The following CCNYL1 variants were observed in gnomAD, a reference collection of about 807,000 sequenced individuals.
CCNYL1 encodes the protein cyclin-Y-like protein 1.
Under a neutral mutation model 44.2 loss-of-function variants are expected in CCNYL1, and 16 were observed. The ratio of observed to expected loss-of-function variants is 0.36; its 90% CI spans 0.25 to 0.55. The LOEUF (loss-of-function observed/expected upper bound fraction) is 0.55. CCNYL1 is among the 20% of genes least tolerant of loss of function. The pLI is 0.85. For missense variants in CCNYL1, 348 were observed against 451.8 expected (o/e 0.77, Z 2.08); for synonymous variants, 159 against 163.2 (o/e 0.97, Z 0.20).
chr2:207,747,626 G>A (rs1575223991), intron 8 of CCNYL1, among the ~76,000 whole-genome samples: 4 of 152,320 alleles, frequency 2.6e-5, no homozygotes, highest in Admixed American at 2.6e-4. Context: ...TCGGCTCACT[G>A]CAAGCTCCAC....
chr2:207,715,011 T>C (rs1158881859), intron 1 of CCNYL1, among the ~76,000 whole-genome samples: 1 of 152,228 alleles, frequency 6.6e-6, no homozygotes, highest in Non-Finnish European at 1.5e-5. Context: ...GGCTCACGCC[T>C]GTAATCCCAG....
chr2:207,735,232 A>C lies in CCNYL1; in HGVS notation c.431+1185A>C, dbSNP rs1426730479. 3.3e-5 allele frequency among the ~76,000 whole-genome samples: 5 copies of C among 152,228 alleles called. No individual in the cohort carries two copies. In the East Asian group the frequency reaches 9.6e-4, roughly 29 times the overall value. On this transcript the variant is annotated intron_variant, in intron 4 of 9. Transcript: ENST00000295414. ...AAATGATCATTTGGTATATTTCACT[A>C]CTGGTTAAATAAAGGTTTCACAAGT...
At chr2:207,749,537 AT>A (rs1260508551) in intron 8 of CCNYL1, among the ~76,000 whole-genome samples, 1 of 152,244 alleles carries the variant, frequency 6.6e-6, no homozygotes, top group Non-Finnish European at 1.5e-5. Flanking sequence ...TTCTGTAAGC[AT>A]AATGCTTTTC....
At chr2:207,734,455 C>T (rs1387854554) in intron 4 of CCNYL1, among the ~76,000 whole-genome samples, 2 of 152,218 alleles carry the variant, frequency 1.3e-5, no homozygotes, top group African/African-American at 4.8e-5. Context: ...ACAGCTTGTC[C>T]TCTACTGGCA....
rs1224864519 is a variant in CCNYL1 at position 207,753,628 on chromosome 2, C to A, written c.1010C>A (p.Ala337Asp). ...TGTGAAGACAAAGACTTGTGTAGAG[C>A]CGCTATGAGAAGGTCTTTCAGTGCT... The part of the protein sequence containing the change: ...RLCEDKDLCR[A>D]AMRRSFSADN... The change falls in exon 10 of 10, where the codon GCC (alanine) becomes GAC (aspartate). Residue 337 changes from alanine to aspartate, a missense_variant. This residue lies in a region of CCNYL1 where 94 missense variants were observed against 102.4 expected (regional missense o/e 0.92). Coordinates refer to ENST00000295414, the MANE Select transcript of CCNYL1 (RefSeq NM_001330218.2). 1.2e-6 allele frequency: 2 copies of A among 1,613,386 alleles called. No individual in the cohort carries two copies. Among genetic ancestry groups the A allele is most frequent in the Non-Finnish European group, 1.7e-6 (2 of 1,179,542 alleles).
chr2:207,739,798 G>T (rs555591347), intron 5 of CCNYL1, among the ~76,000 whole-genome samples: 3 of 152,172 alleles, frequency 2.0e-5, no homozygotes, highest in African/African-American at 4.8e-5. Context: ...ACTGCAAGAG[G>T]CAGTAAAGAG....
intron 7 of CCNYL1, among the ~76,000 whole-genome samples, chr2:207,746,110 G>C (rs2091852988): frequency 6.6e-6 from 1 of 152,138 alleles, no homozygotes; most frequent in Admixed American, 6.5e-5. Flanking sequence ...AAACTGCTTG[G>C]CAGGTTTAGA....
At chr2:207,752,117 AC>A in intron 9 of CCNYL1, among the ~76,000 whole-genome samples, 1 of 145,124 alleles carries the variant, frequency 6.9e-6, no homozygotes, top group African/African-American at 2.7e-5. Flanking sequence ...TGACTGTCTT[AC>A]TTACTGTTTG....
chr2:207,729,432 C>T (rs1451715167), intron 3 of CCNYL1, among the ~76,000 whole-genome samples: 4 of 152,082 alleles, frequency 2.6e-5, no homozygotes, highest in Non-Finnish European at 5.9e-5. Context: ...TGAATTTTCA[C>T]CACTCCCATG....
chr2:207,751,430 A>AT (rs1360233776), intron 9 of CCNYL1, among the ~76,000 whole-genome samples: 1 of 152,152 alleles, frequency 6.6e-6, no homozygotes, highest in East Asian at 1.9e-4. Context: ...TACATGAATA[A>AT]TTTTTTTAGC....
rs570807636 is a variant in CCNYL1, at chr2:207,744,460, A to T, written c.639+2118A>T. ...TGGCTCACTGCAACCTCCACCTCCCAGGTTCAAGCAATTCTCCCTGCCTCA... is the reference window on the plus strand; with the variant it reads ...TGGCTCACTGCAACCTCCACCTCCCTGGTTCAAGCAATTCTCCCTGCCTCA... On this transcript the variant is annotated intron_variant, in intron 7 of 9. Transcript: ENST00000295414. Among the ~76,000 whole-genome samples, 3 of 151,676 alleles carry T rather than the reference A, an allele frequency of 2.0e-5. No individual in the cohort carries two copies. In the South Asian group the frequency reaches 6.3e-4, roughly 32 times the overall value.
intron 7 of CCNYL1, among the ~76,000 whole-genome samples, chr2:207,745,696 C>T (rs539259890): frequency 6.6e-6 from 1 of 152,304 alleles, no homozygotes; most frequent in East Asian, 1.9e-4. Context: ...CGCCTGTAAT[C>T]CCAGCACTTT....
chr2:207,752,498 C>T (rs948907955), intron 9 of CCNYL1, among the ~76,000 whole-genome samples: 1 of 151,272 alleles, frequency 6.6e-6, no homozygotes, highest in Non-Finnish European at 1.5e-5. Flanking sequence ...CATGCCACTG[C>T]ACTCCAGCCT....
At chr2:207,737,278 T>C in intron 4 of CCNYL1, 133 bp from the exon 5 acceptor site, 2 of 693,572 alleles carry the variant, frequency 2.9e-6, no homozygotes, top group Non-Finnish European at 2.6e-6. Context: ...AAAGTACCCA[T>C]ATGGTACTGT....
At chr2:207,742,933 T>C (rs2091822379) in intron 7 of CCNYL1, among the ~76,000 whole-genome samples, 1 of 152,224 alleles carries the variant, frequency 6.6e-6, no homozygotes, top group Non-Finnish European at 1.5e-5. Context: ...TCCTTAACTT[T>C]ATGTCCTCCA....
intron 9 of CCNYL1, among the ~76,000 whole-genome samples, chr2:207,752,532 C>T (rs556443454): frequency 7.8e-5 from 11 of 140,392 alleles, no homozygotes; most frequent in African/African-American, 3.2e-4. Context: ...AGACCCTTGT[C>T]TCAAAAAAAA....
intron 1 of CCNYL1, chr2:207,714,312 CT>C (rs60004559): frequency 0.13 from 39,699 of 303,880 alleles, 723 homozygotes; most frequent in Non-Finnish European, 0.15. Context: ...ACTTACATCT[CT>C]TTTTTTTTTT....
chr2:207,743,260 C>G (rs2091825437), intron 7 of CCNYL1, among the ~76,000 whole-genome samples: 2 of 152,144 alleles, frequency 1.3e-5, no homozygotes. Context: ...TGTAGAGAGA[C>G]AGGTGATACA....
intron 4 of CCNYL1, 89 bp from the exon 5 acceptor site, chr2:207,737,322 G>C: frequency 1.0e-6 from 1 of 955,666 alleles, no homozygotes; most frequent in South Asian, 1.4e-5. Flanking sequence ...CGCTAGGAGG[G>C]TTCCTCCCTT....
Sources: gnomAD v4.1 joint callset for allele counts (sites outside exome capture counted in the v4.1 genomes callset) on GRCh38, gnomAD v4.1.1 for gene constraint, gnomAD v4.1.1 regional missense constraint, MANE v1.5 for transcripts, NCBI Gene and HGNC (gene_info 2026-07-23, HGNC 2026-07-21) for gene names.